The following RNF4 variants were observed in gnomAD, a reference collection of about 807,000 sequenced individuals.
RNF4 encodes the protein ring finger protein 4.
In RNF4, 7 loss-of-function variants were observed where a neutral mutation model predicts 24.3. That is an observed-to-expected ratio of 0.29 (90% CI 0.16 to 0.54). RNF4 has a LOEUF of 0.54. Ranked by LOEUF, RNF4 falls within the 20% of genes least tolerant of loss-of-function variation. The probability of loss-of-function intolerance (pLI) is 0.95; values close to 1 mark genes in which losing one functional copy is unlikely to be tolerated. For missense variants in RNF4, 209 were observed against 248.5 expected (o/e 0.84, Z 1.07); for synonymous variants, 83 against 84.3 (o/e 0.98, Z 0.09).
At chr4:2,495,908 G>A (rs1353615161) in intron 2 of RNF4, among the ~76,000 whole-genome samples, 2 of 152,232 alleles carry the variant, frequency 1.3e-5, no homozygotes, top group Non-Finnish European at 2.9e-5. Flanking sequence ...TGGGATTACA[G>A]GCCTGAGCCA....
intron 4 of RNF4, among the ~76,000 whole-genome samples, chr4:2,510,455 G>T (rs1483918934): frequency 6.6e-6 from 1 of 152,178 alleles, no homozygotes; most frequent in East Asian, 1.9e-4. Flanking sequence ...GGGAGGAGAG[G>T]CCTGGGCTCA....
chr4:2,500,562 G>A, intron 3 of RNF4, 97 bp from the exon 4 acceptor site: 1 of 1,115,140 alleles, frequency 9.0e-7, no homozygotes, highest in Non-Finnish European at 1.2e-6. Flanking sequence ...TTAGTTTGGG[G>A]TAAGCCTATA....
At position 2,512,126 on chromosome 4, in the gene RNF4, C is replaced by T; in HGVS notation, c.214+161C>T. The T allele has an allele frequency of 1.5e-6, 1 of 667,282 alleles. No homozygotes were observed. Among genetic ancestry groups the T allele is most frequent in the South Asian group, 1.9e-5 (1 of 52,448 alleles). 41.3% of individuals were successfully genotyped at this position (667,282 alleles called of 1,614,324 possible). On this transcript the variant is annotated intron_variant, in intron 5 of 7. Transcript: ENST00000314289. This position sits in a 1 kb window ranked among gnomAD's most constrained non-coding sequence, Gnocchi z 4.1. ...CTGTGGTCAGACCCACACAGCCAGT[C>T]CCCCTTGTGCCTGCTGAAGAAACTT...
chr4:2,495,646 G>T (rs3860712), intron 2 of RNF4, among the ~76,000 whole-genome samples: 2,215 of 148,428 alleles, frequency 0.015, 52 homozygotes, highest in African/African-American at 0.05. Flanking sequence ...TTTTGGGGGG[G>T]GGTGAGATGG....
chr4:2,495,046 A>G (rs1191027784), intron 2 of RNF4, among the ~76,000 whole-genome samples: 1 of 152,328 alleles, frequency 6.6e-6, no homozygotes, highest in African/African-American at 2.4e-5. Context: ...CTGCTGGGGA[A>G]ACCCTTAAAA....
At chr4:2,473,338 T>C (rs1044441217) in intron 1 of RNF4, among the ~76,000 whole-genome samples, 10 of 150,476 alleles carry the variant, frequency 6.6e-5, no homozygotes, top group Non-Finnish European at 1.5e-4. Context: ...GAGCCGAGAT[T>C]GTGCCTCTGC....
At chr4:2,495,563 G>A (rs1407621638) in intron 2 of RNF4, among the ~76,000 whole-genome samples, 1 of 151,926 alleles carries the variant, frequency 6.6e-6, no homozygotes, top group Non-Finnish European at 1.5e-5. Flanking sequence ...TAGCAGGACA[G>A]GGCACAGGGA....
Position 2,512,318 on chromosome 4 carries a change from G to GT in RNF4, c.215-117dup, listed in dbSNP as rs879331315. On this transcript the variant is annotated intron_variant, in intron 5 of 7. Transcript: ENST00000314289. This position sits in a 1 kb window ranked among gnomAD's most constrained non-coding sequence, Gnocchi z 4.1. ...TGGGTTATAGCTGAGCATGGCAGCA[G>GT]TTTGTCTCTGGGGGTCCCAGGCAGG... 16 of 1,205,772 alleles carry GT rather than the reference G, an allele frequency of 1.3e-5. No homozygotes were observed. Among genetic ancestry groups the GT allele is most frequent in the Non-Finnish European group, 1.7e-5 (14 of 838,846 alleles). The allele number at this position is 1,205,772 out of a possible 1,614,324, so 74.7% of individuals were successfully genotyped here.
chr4:2,513,575 A>G lies in RNF4; in HGVS notation c.424-95A>G. 4 of 1,447,650 alleles carry G rather than the reference A, an allele frequency of 2.8e-6. No individual in the cohort carries two copies. In the South Asian group the frequency reaches 4.9e-5, roughly 18 times the overall value. The allele number at this position is 1,447,650 out of a possible 1,614,324, so 89.7% of individuals were successfully genotyped here. On this transcript the variant is annotated intron_variant, in intron 7 of 7. Coordinates refer to ENST00000314289, the MANE Select transcript of RNF4 (RefSeq NM_002938.5). Reference sequence around the variant, plus strand: ...GCCTGGCCCTTGCTTTCCTTTAATTAGTCATCTTAGGCATAGGTGGGTGGG... The same window carrying G: ...GCCTGGCCCTTGCTTTCCTTTAATTGGTCATCTTAGGCATAGGTGGGTGGG...
chr4:2,478,636 T>C (rs1344747172), intron 1 of RNF4, among the ~76,000 whole-genome samples: 3 of 152,330 alleles, frequency 2.0e-5, no homozygotes, highest in Admixed American at 1.3e-4. Context: ...AGCTTCCACA[T>C]GGTGTTGAGC....
At chr4:2,481,744 A>G (rs1005531394) in intron 1 of RNF4, among the ~76,000 whole-genome samples, 2 of 152,050 alleles carry the variant, frequency 1.3e-5, no homozygotes, top group South Asian at 4.1e-4. Flanking sequence ...GTCTCGCTCT[A>G]TCACCGAGGC....
At chr4:2,472,737 T>C (rs1302853207) in intron 1 of RNF4, among the ~76,000 whole-genome samples, 1 of 151,916 alleles carries the variant, frequency 6.6e-6, no homozygotes, top group African/African-American at 2.4e-5. Context: ...TATACTATTC[T>C]AGATACCATT....
chr4:2,488,184 C>G (rs567363867), intron 1 of RNF4, among the ~76,000 whole-genome samples: 2 of 152,216 alleles, frequency 1.3e-5, no homozygotes, highest in East Asian at 3.9e-4. Context: ...GGTGGGAGGA[C>G]AGACGTGGTG....
intron 1 of RNF4, among the ~76,000 whole-genome samples, chr4:2,470,458 T>C (rs988738167): frequency 1.3e-5 from 2 of 152,256 alleles, no homozygotes; most frequent in African/African-American, 2.4e-5. Context: ...CAAGATATAT[T>C]GCTGGCTTTT....
chr4:2,512,008 A>G lies in RNF4; in HGVS notation c.214+43A>G, dbSNP rs1333648524. On this transcript the variant is annotated intron_variant, in intron 5 of 7. Transcript: ENST00000314289. The surrounding 1 kb of genome is among the most constrained non-coding windows in gnomAD (Gnocchi z 4.1). ...CTTTTTCACTGGGTTTGGAGAGGAAACTGGCATAGGTGAGAGCCGCGGTGC... is the reference window on the plus strand; with the variant it reads ...CTTTTTCACTGGGTTTGGAGAGGAAGCTGGCATAGGTGAGAGCCGCGGTGC... 1 of 1,592,366 alleles carries G rather than the reference A, an allele frequency of 6.3e-7. No homozygotes were observed. The highest frequency in any genetic ancestry group is 2.2e-5 in the East Asian group (1 of 44,546).
At position 2,474,215 on chromosome 4, in the gene RNF4, AAC is replaced by A. The variant is rs1488089054; in HGVS notation, c.-158+4963_-158+4964del. Among the ~76,000 whole-genome samples, 8 of 41,616 alleles carry A rather than the reference AAC, an allele frequency of 1.9e-4. No individual in the cohort carries two copies. In the East Asian group the frequency reaches 4.9e-3, roughly 25 times the overall value. 27.3% of individuals were successfully genotyped at this position (41,616 alleles called of 152,430 possible). On this transcript the variant is annotated intron_variant, in intron 1 of 7. Transcript: ENST00000314289. ...ACGGTGAAACACCGTCTCTACTAAA[AAC>A]ACACAAAAAAATTAGCCAGGTGTGG...
chr4:2,498,840 G>A (rs1454984695), intron 3 of RNF4, among the ~76,000 whole-genome samples: 8 of 152,160 alleles, frequency 5.3e-5, no homozygotes, highest in Admixed American at 1.3e-4. Context: ...GCAGTGAGCC[G>A]TGATCGTGCC....
chr4:2,510,955 G>A (rs1736255109), intron 4 of RNF4, among the ~76,000 whole-genome samples: 1 of 152,232 alleles, frequency 6.6e-6, no homozygotes, highest in Admixed American at 6.5e-5. Flanking sequence ...TCCTTGGTGT[G>A]TGTCACACGC....
At chr4:2,487,947 G>A (rs923809433) in intron 1 of RNF4, among the ~76,000 whole-genome samples, 4 of 152,102 alleles carry the variant, frequency 2.6e-5, no homozygotes, top group African/African-American at 7.2e-5. Context: ...CTGGGACGGC[G>A]GTCCCTTTGG....
Sources: allele counts gnomAD v4.1 joint callset (sites outside exome capture counted in the v4.1 genomes callset), GRCh38; gene constraint gnomAD v4.1.1; non-coding constraint Gnocchi (gnomAD v3.1); transcripts MANE v1.5; gene names NCBI Gene and HGNC (gene_info 2026-07-23, HGNC 2026-07-21).